Variants in CYP4F22 observed in about 807,000 individuals in gnomAD.
CYP4F22 encodes the protein ultra-long-chain fatty acid omega-hydroxylase.
In CYP4F22, 37 loss-of-function variants were observed where a neutral mutation model predicts 60.4. The observed-to-expected ratio is 0.61, with a 90% CI of 0.47 to 0.81. The LOEUF is 0.81. Ranked by LOEUF, CYP4F22 falls within the 30% of genes least tolerant of loss-of-function variation. The pLI, the probability that CYP4F22 is intolerant of heterozygous loss-of-function variation, is 0.00. For synonymous variants in CYP4F22, 258 were observed against 280.5 expected (o/e 0.92, Z 0.80); for missense variants, 655 against 715.0 (o/e 0.92, Z 0.96).
intron 3 of CYP4F22, among the ~76,000 whole-genome samples, chr19:15,528,242 C>T (rs764324584): frequency 3.9e-5 from 6 of 152,034 alleles, no homozygotes; most frequent in Non-Finnish European, 5.9e-5. Flanking sequence ...TGCTTGAGCC[C>T]GGGAGTTTGA....
In CYP4F22 at chr19:15,551,609, T is replaced by G. The variant is rs1971598628; in HGVS notation, c.*138T>G. Reference sequence around the variant, plus strand: ...CTCCTGGATGACCAGGCACCGCTGTTGAGCAGCCTGGTGGTACTGGCCACG... The same window carrying G: ...CTCCTGGATGACCAGGCACCGCTGTGGAGCAGCCTGGTGGTACTGGCCACG... On this transcript the variant is annotated 3_prime_UTR_variant, in exon 14 of 14. Transcript: ENST00000269703. The G allele has an allele frequency of 2.7e-6, 3 of 1,101,224 alleles. No individual in the cohort carries two copies. Among genetic ancestry groups the G allele is most frequent in the Non-Finnish European group, 3.8e-6 (3 of 780,512 alleles). The allele number at this position is 1,101,224 out of a possible 1,614,324, so 68.2% of individuals were successfully genotyped here. A position where few individuals can be genotyped will look rare whatever the true frequency, so the allele number is the denominator to read the frequency against.
Position 15,548,092 on chromosome 19 carries a change from T to C in CYP4F22, c.1137-16T>C. ...CATGGTGGCTCGGCCTCTAGTTATATCTCCATTCTCCCCAGGGACGATCTG... is the reference window on the plus strand; with the variant it reads ...CATGGTGGCTCGGCCTCTAGTTATACCTCCATTCTCCCCAGGGACGATCTG... On this transcript the variant is annotated splice_polypyrimidine_tract_variant and intron_variant, in intron 10 of 13. Coordinates refer to ENST00000269703, the MANE Select transcript of CYP4F22 (RefSeq NM_173483.4). 6.2e-7 allele frequency: 1 copy of C among 1,611,978 alleles called. No homozygotes were observed. Among genetic ancestry groups the C allele is most frequent in the Non-Finnish European group, 8.5e-7 (1 of 1,179,264 alleles).
At chr19:15,525,197 G>A in intron 2 of CYP4F22, 139 bp from the exon 3 acceptor site, 1 of 808,596 alleles carries the variant, frequency 1.2e-6, no homozygotes, top group Non-Finnish European at 2.0e-6. Flanking sequence ...GGAGATCATG[G>A]CTGGGGGATG....
chr19:15,513,491 A>G (rs905839902), intron 1 of CYP4F22, among the ~76,000 whole-genome samples: 2 of 151,248 alleles, frequency 1.3e-5, no homozygotes, highest in Non-Finnish European at 2.9e-5. Flanking sequence ...CAGCCTCCCG[A>G]GTAGCTGGGA....
intron 1 of CYP4F22, among the ~76,000 whole-genome samples, chr19:15,512,263 C>T (rs1971101015): frequency 6.6e-6 from 1 of 152,114 alleles, no homozygotes; most frequent in Non-Finnish European, 1.5e-5. Flanking sequence ...GGCTGCTAAC[C>T]TAGGGAATAG....
At chr19:15,551,205 C>T (rs1971591076) in intron 13 of CYP4F22, 89 bp from the exon 14 acceptor site, 3 of 1,523,374 alleles carry the variant, frequency 2.0e-6, no homozygotes, top group Non-Finnish European at 2.7e-6. Flanking sequence ...GCCCAGGATG[C>T]TTGCTTCATT....
At chr19:15,547,040 T>TTTTTTTTTA (rs1568363633) in intron 10 of CYP4F22, among the ~76,000 whole-genome samples, 4 of 140,144 alleles carry the variant, frequency 2.9e-5, no homozygotes, top group Non-Finnish European at 6.3e-5. Context: ...TTTTTTTTTT[T>TTTTTTTTTA]AAGACAAGAG....
intron 1 of CYP4F22, among the ~76,000 whole-genome samples, chr19:15,512,182 G>A (rs2144493350): frequency 6.6e-6 from 1 of 152,254 alleles, no homozygotes; most frequent in South Asian, 2.1e-4. Flanking sequence ...TTAGGGGGTA[G>A]GTCCTGTTAT....
At chr19:15,513,692 T>G (rs574859462) in intron 1 of CYP4F22, among the ~76,000 whole-genome samples, 5 of 151,998 alleles carry the variant, frequency 3.3e-5, no homozygotes, top group African/African-American at 1.2e-4. Context: ...GTAGAGATGG[T>G]GTTTCACCGT....
chr19:15,537,859 A>G lies in CYP4F22; in HGVS notation c.550-13A>G. The G allele has an allele frequency of 1.2e-6, 2 of 1,613,412 alleles. No homozygotes were observed. The highest frequency in any genetic ancestry group is 1.7e-6 in the Non-Finnish European group (2 of 1,180,032). On this transcript the variant is annotated splice_polypyrimidine_tract_variant and intron_variant, in intron 6 of 13. Coordinates refer to ENST00000269703, the MANE Select transcript of CYP4F22 (RefSeq NM_173483.4). ...TGGTTTCCATGCACAGTCACCATGT[A>G]TCTCTCTTCCAGGCTAAATGGCGGC... is the stretch of plus-strand genomic sequence containing the variant.
At chr19:15,536,088 C>A (rs1971391590) in intron 4 of CYP4F22, among the ~76,000 whole-genome samples, 1 of 152,142 alleles carries the variant, frequency 6.6e-6, no homozygotes, top group African/African-American at 2.4e-5. Flanking sequence ...CCTGTAGTCC[C>A]AGCACTTTGG....
intron 10 of CYP4F22, among the ~76,000 whole-genome samples, chr19:15,545,167 G>A (rs1555729853): frequency 6.6e-6 from 1 of 151,418 alleles, no homozygotes; most frequent in Non-Finnish European, 1.5e-5. Context: ...CAAGTCACGT[G>A]ACCAAGCCCA....
intron 1 of CYP4F22, among the ~76,000 whole-genome samples, chr19:15,519,010 G>C (rs1971189508): frequency 6.6e-6 from 1 of 152,096 alleles, no homozygotes; most frequent in Non-Finnish European, 1.5e-5. Flanking sequence ...GCTGAAAGGG[G>C]GAGGAAGAGG....
At chr19:15,538,054 G>T (rs774656040) in intron 7 of CYP4F22, 61 bp downstream of exon 7, 27 of 1,609,390 alleles carry the variant, frequency 1.7e-5, no homozygotes, top group Non-Finnish European at 2.3e-5. Context: ...ATGGTGGCAG[G>T]AGAAAGGGAA....
intron 1 of CYP4F22, among the ~76,000 whole-genome samples, chr19:15,510,911 G>A (rs1177713238): frequency 6.7e-6 from 1 of 148,936 alleles, no homozygotes; most frequent in African/African-American, 2.5e-5. Flanking sequence ...TTGAGCCCAG[G>A]ACTTTGAGAC....
chr19:15,535,159 G>A (rs1208853812), intron 4 of CYP4F22, among the ~76,000 whole-genome samples: 1 of 152,196 alleles, frequency 6.6e-6, no homozygotes, highest in East Asian at 1.9e-4. Context: ...CCTCCAGGAA[G>A]CCTGCCCTGA....
At chr19:15,529,641 C>T in intron 3 of CYP4F22, 68 bp from the exon 4 acceptor site, 2 of 1,598,072 alleles carry the variant, frequency 1.3e-6, no homozygotes, top group Non-Finnish European at 8.5e-7. Flanking sequence ...CAGGAGGTGG[C>T]AGGAGGAAGG....
At chr19:15,547,018 G>GTTTTTTTTTTTTTTTTTTTTTTTTTTT (rs71176432) in intron 10 of CYP4F22, among the ~76,000 whole-genome samples, 3 of 82,310 alleles carry the variant, frequency 3.6e-5, no homozygotes, top group African/African-American at 1.7e-4. Context: ...GCCTGCACCA[G>GTTTTTTTTTTTTTTTTTTTTTTTTTTT]TTTTTTTTTT....
intron 4 of CYP4F22, among the ~76,000 whole-genome samples, chr19:15,531,560 T>C (rs893224834): frequency 1.3e-5 from 2 of 152,186 alleles, no homozygotes; most frequent in East Asian, 1.9e-4. Flanking sequence ...TCTCCCGTTA[T>C]TACATTTGTG....
Sources: gnomAD v4.1 joint callset for allele counts (sites outside exome capture counted in the v4.1 genomes callset) on GRCh38, gnomAD v4.1.1 for gene constraint, MANE v1.5 for transcripts, NCBI Gene and HGNC (gene_info 2026-07-23, HGNC 2026-07-21) for gene names.